Variants in FNDC3A observed in about 807,000 individuals in gnomAD.
FNDC3A encodes fibronectin type-III domain-containing protein 3A.
A neutral mutation model predicts 148.9 loss-of-function variants in FNDC3A; 32 were observed. The observed-to-expected ratio is 0.21, with a 90% CI of 0.16 to 0.29. The LOEUF (loss-of-function observed/expected upper bound fraction) is 0.29. Among genes scored for constraint, FNDC3A ranks in the 10% least tolerant of loss-of-function variants. The probability of loss-of-function intolerance (pLI) is 1.00; values close to 1 mark genes in which losing one functional copy is unlikely to be tolerated. For synonymous variants in FNDC3A, 472 were observed against 473.6 expected, an observed-to-expected ratio of 1.00 and a Z score of 0.04; for missense variants, 1,191 against 1,452.8, an observed-to-expected ratio of 0.82 and a Z score of 2.93.
chr13:49,158,734 A>T (rs1883890199), intron 8 of FNDC3A, among the ~76,000 whole-genome samples: 2 of 152,158 alleles, frequency 1.3e-5, no homozygotes, highest in African/African-American at 4.8e-5. Context: ...TTTTTCTTCT[A>T]GGGTTTTTAT....
chr13:49,070,711 C>G (rs1877600785), intron 2 of FNDC3A, among the ~76,000 whole-genome samples: 1 of 152,096 alleles, frequency 6.6e-6, no homozygotes, highest in South Asian at 2.1e-4. Context: ...CTCACACCCA[C>G]CTTCCCAGCC....
chr13:49,197,041 G>A, intron 20 of FNDC3A, 51 bp downstream of exon 20: 1 of 1,079,018 alleles, frequency 9.3e-7, no homozygotes, highest in Non-Finnish European at 1.4e-6. Flanking sequence ...GAATAGAATA[G>A]TTTATATAAA....
At chr13:49,036,597 G>C (rs902566906) in intron 2 of FNDC3A, among the ~76,000 whole-genome samples, 2 of 152,208 alleles carry the variant, frequency 1.3e-5, no homozygotes, top group African/African-American at 4.8e-5. Flanking sequence ...ATGTCTAAAT[G>C]TACCACTCTA....
Position 49,207,531 on chromosome 13 carries a change from A to C in FNDC3A, c.*136A>C, listed in dbSNP as rs941196120. 2.0e-5 allele frequency: 12 copies of C among 597,868 alleles called. No homozygotes were observed. The highest frequency in any genetic ancestry group is 3.5e-5 in the Non-Finnish European group (12 of 341,218). 37.0% of individuals were successfully genotyped at this position (597,868 alleles called of 1,614,324 possible). On this transcript the variant is annotated 3_prime_UTR_variant, in exon 26 of 26. Transcript: ENST00000492622. ...ATAGCACATCATTTTTGCCATTTTC[A>C]GTGCTTATATTGTTAGGTAGAGGCT...
chr13:49,125,393 G>A (rs1233875920), intron 4 of FNDC3A, among the ~76,000 whole-genome samples: 2 of 152,184 alleles, frequency 1.3e-5, no homozygotes, highest in African/African-American at 4.8e-5. Context: ...ACACATAAAT[G>A]TTTGTTAAAT....
At chr13:49,175,276 C>A in intron 12 of FNDC3A, 91 bp from the exon 13 acceptor site, 2 of 841,634 alleles carry the variant, frequency 2.4e-6, no homozygotes, top group Non-Finnish European at 3.5e-6. Flanking sequence ...CAAAACTTGT[C>A]ATTTTCCAAA....
chr13:49,154,127 A>G (rs1283773887), intron 8 of FNDC3A, among the ~76,000 whole-genome samples: 28 of 137,156 alleles, frequency 2.0e-4, no homozygotes, highest in Admixed American at 3.7e-4. Context: ...CCATTTTCAC[A>G]ATATTGATTC....
chr13:49,041,202 A>G (rs1874900405), intron 2 of FNDC3A, among the ~76,000 whole-genome samples: 1 of 152,198 alleles, frequency 6.6e-6, no homozygotes, highest in Non-Finnish European at 1.5e-5. Flanking sequence ...GCGAAAGTAC[A>G]TACTACACAT....
intron 1 of FNDC3A, among the ~76,000 whole-genome samples, chr13:48,989,993 G>A (rs1041559550): frequency 2.0e-5 from 3 of 151,812 alleles, no homozygotes; most frequent in Admixed American, 6.6e-5. Flanking sequence ...CTCGTGATCC[G>A]CCCACCTTCG....
chr13:49,199,390 C>T (rs375826644), intron 23 of FNDC3A, among the ~76,000 whole-genome samples: 11 of 149,856 alleles, frequency 7.3e-5, no homozygotes, highest in Admixed American at 2.0e-4. Context: ...TGCAGTGACG[C>T]GATCTCGGCT....
At chr13:49,206,491 G>A (rs936309051) in intron 25 of FNDC3A, among the ~76,000 whole-genome samples, 15 of 152,210 alleles carry the variant, frequency 9.9e-5, no homozygotes, top group African/African-American at 3.6e-4. Context: ...ACATTCCTCT[G>A]AAAATCCGTG....
intron 1 of FNDC3A, among the ~76,000 whole-genome samples, chr13:48,993,742 T>C (rs956230665): frequency 6.6e-6 from 1 of 152,212 alleles, no homozygotes; most frequent in African/African-American, 2.4e-5. Flanking sequence ...TTTTAGAACC[T>C]AGGTGGCAAG....
intron 23 of FNDC3A, among the ~76,000 whole-genome samples, chr13:49,199,127 C>A (rs777548566): frequency 6.6e-6 from 1 of 151,924 alleles, no homozygotes. Flanking sequence ...CTGGAGCCAT[C>A]CTCCCACCTC....
chr13:49,103,241 C>T (rs1459399102), intron 3 of FNDC3A, among the ~76,000 whole-genome samples: 2 of 152,180 alleles, frequency 1.3e-5, no homozygotes, highest in Admixed American at 1.3e-4. Context: ...TCATCACTAC[C>T]TTATGCTGCC....
At chr13:49,194,138 C>G (rs545885257) in intron 19 of FNDC3A, among the ~76,000 whole-genome samples, 1 of 152,010 alleles carries the variant, frequency 6.6e-6, no homozygotes, top group Non-Finnish European at 1.5e-5. Context: ...GTACCCACAC[C>G]TGTAGTCCCA....
At chr13:49,106,428 T>C (rs1880177441) in intron 3 of FNDC3A, among the ~76,000 whole-genome samples, 2 of 152,262 alleles carry the variant, frequency 1.3e-5, no homozygotes, top group Middle Eastern at 3.4e-3. Context: ...GATTCCCGCC[T>C]CAGCCTCCTG....
At chr13:49,065,363 T>C (rs1877196558) in intron 2 of FNDC3A, among the ~76,000 whole-genome samples, 1 of 152,194 alleles carries the variant, frequency 6.6e-6, no homozygotes, top group South Asian at 2.1e-4. Context: ...AGCCCAGAGT[T>C]AGTATTGAGG....
chr13:49,032,107 A>G (rs767920294), intron 2 of FNDC3A, among the ~76,000 whole-genome samples: 3 of 152,228 alleles, frequency 2.0e-5, no homozygotes, highest in Non-Finnish European at 2.9e-5. Context: ...CTTCACACCC[A>G]TTATAATGGG....
intron 1 of FNDC3A, chr13:48,987,862 T>C (rs1951833413): frequency 6.6e-6 from 1 of 152,210 alleles, no homozygotes; most frequent in South Asian, 2.1e-4. Context: ...AAAAATGTTA[T>C]GGCACTTAAA....
Sources: gnomAD v4.1 joint callset for allele counts (sites outside exome capture counted in the v4.1 genomes callset) on GRCh38, gnomAD v4.1.1 for gene constraint, MANE v1.5 for transcripts, NCBI Gene and HGNC (gene_info 2026-07-23, HGNC 2026-07-21) for gene names.